ZBTB44: variants seen among roughly 807,000 people sequenced by gnomAD.
ZBTB44 encodes the protein zinc finger and BTB domain containing 44, also known as zinc finger and BTB domain-containing protein 44.
ZBTB44 carries 15 observed loss-of-function variants against 54.0 expected under a neutral mutation model. The observed-to-expected ratio is 0.28, with a 90% CI of 0.19 to 0.43. The LOEUF (loss-of-function observed/expected upper bound fraction) is 0.43. Among genes scored for constraint, ZBTB44 ranks in the 20% least tolerant of loss-of-function variants. The pLI is 1.00. For missense variants in ZBTB44, 487 were observed against 707.1 expected (o/e 0.69, Z 3.53); for synonymous variants, 230 against 250.1 (o/e 0.92, Z 0.76).
intron 2 of ZBTB44, among the ~76,000 whole-genome samples, chr11:130,254,381 A>AAAC (rs545665046): frequency 6.6e-6 from 1 of 152,210 alleles, no homozygotes; most frequent in African/African-American, 2.4e-5. Context: ...AGAAAAAAAC[A>AAAC]AACAACAACA....
intron 2 of ZBTB44, among the ~76,000 whole-genome samples, chr11:130,250,632 C>T (rs1049011111): frequency 1.3e-5 from 2 of 152,332 alleles, no homozygotes; most frequent in African/African-American, 4.8e-5. Flanking sequence ...GATACCCAGG[C>T]TAATAGGGTC....
In ZBTB44 at chr11:130,260,926, A is replaced by T. The variant is rs1329313125; in HGVS notation, c.948T>A (p.Asp316Glu). Reference sequence around the variant, plus strand: ...GTTCACTTCCTGGAACTGTCTGCTGATCACTCAGCGAACTCTGAGATGCAC... The same window carrying T: ...GTTCACTTCCTGGAACTGTCTGCTGTTCACTCAGCGAACTCTGAGATGCAC... ...PVSASQSSLS[D>E]QQTVPGSEQV... is the part of the protein sequence containing the mutation. Residue 316 changes from aspartate (D) to glutamate (E), a missense_variant, in exon 2 of 8, where the codon GAT (aspartate) becomes GAA (glutamate). Asp to Glu is a conservative substitution (Grantham distance 45, BLOSUM62 2). This residue lies in a region of ZBTB44 where 277 missense variants were observed against 306.5 expected (regional missense o/e 0.90). Coordinates refer to ENST00000357899, the MANE Select transcript of ZBTB44 (RefSeq NM_001301098.2). The T allele has an allele frequency of 2.5e-6, 4 of 1,614,034 alleles. No individual in the cohort carries two copies. Among genetic ancestry groups the T allele is most frequent in the Non-Finnish European group, 3.4e-6 (4 of 1,179,902 alleles).
At chr11:130,246,560 T>C (rs1446171417) in intron 2 of ZBTB44, among the ~76,000 whole-genome samples, 2 of 152,206 alleles carry the variant, frequency 1.3e-5, no homozygotes, top group African/African-American at 4.8e-5. Flanking sequence ...ATAGCTTCTG[T>C]TGCATCAAAC....
At chr11:130,235,512 A>G (rs1954069876) in intron 5 of ZBTB44, among the ~76,000 whole-genome samples, 1 of 152,204 alleles carries the variant, frequency 6.6e-6, no homozygotes, top group Admixed American at 6.5e-5. Flanking sequence ...GTTTACAAAT[A>G]AGGTTTTAAG....
At chr11:130,250,575 A>G (rs1412973059) in intron 2 of ZBTB44, among the ~76,000 whole-genome samples, 1 of 152,224 alleles carries the variant, frequency 6.6e-6, no homozygotes, top group African/African-American at 2.4e-5. Flanking sequence ...AAGCATCCAG[A>G]GGAAGCAGCA....
chr11:130,312,703 A>C (rs1942683377), intron 1 of ZBTB44, among the ~76,000 whole-genome samples: 1 of 152,212 alleles, frequency 6.6e-6, no homozygotes, highest in Middle Eastern at 3.2e-3. Flanking sequence ...AAAATGACTA[A>C]AGACTTAATC....
Position 130,294,680 on chromosome 11 carries a change from C to T in ZBTB44, c.-57+19695G>A, listed in dbSNP as rs531002398. On this transcript the variant is annotated intron_variant, in intron 1 of 7. Coordinates refer to ENST00000357899, the MANE Select transcript of ZBTB44 (RefSeq NM_001301098.2). ...TTGAATTTTTGCAATCAGACCTTAG[C>T]GATGACCTTGAGCAGGACAGAAATA... Among the ~76,000 whole-genome samples, 5 of 151,910 alleles carry T rather than the reference C, an allele frequency of 3.3e-5. No homozygotes were observed. The South Asian group carries it at 8.3e-4, about 25-fold the overall frequency.
intron 2 of ZBTB44, among the ~76,000 whole-genome samples, chr11:130,241,720 T>C (rs1390832628): frequency 3.3e-5 from 5 of 152,228 alleles, no homozygotes; most frequent in African/African-American, 1.2e-4. Flanking sequence ...TAATTAATCC[T>C]TTTCTCATTG....
chr11:130,248,383 T>C (rs1937707453), intron 2 of ZBTB44, among the ~76,000 whole-genome samples: 1 of 152,232 alleles, frequency 6.6e-6, no homozygotes. Flanking sequence ...GGCTCACGCC[T>C]GTAATCTCAG....
chr11:130,250,597 T>C (rs1937921239), intron 2 of ZBTB44, among the ~76,000 whole-genome samples: 1 of 152,122 alleles, frequency 6.6e-6, no homozygotes, highest in Admixed American at 6.5e-5. Flanking sequence ...GCAGCAATCT[T>C]TGCTGTTCTG....
intron 5 of ZBTB44, among the ~76,000 whole-genome samples, chr11:130,234,489 A>G (rs1012814079): frequency 2.6e-5 from 4 of 152,170 alleles, no homozygotes; most frequent in Admixed American, 2.6e-4. Context: ...CTTCCCCACC[A>G]CCAATACATC....
intron 2 of ZBTB44, among the ~76,000 whole-genome samples, chr11:130,243,986 C>CGAA (rs963725039): frequency 9.2e-5 from 14 of 152,120 alleles, no homozygotes; most frequent in African/African-American, 3.4e-4. Context: ...TTTACACACT[C>CGAA]TGAGCTTTCA....
chr11:130,272,488 T>C (rs1939747003), intron 1 of ZBTB44, among the ~76,000 whole-genome samples: 1 of 152,214 alleles, frequency 6.6e-6, no homozygotes. Flanking sequence ...TTATATATTC[T>C]AGTTGTGAGT....
chr11:130,276,625 G>C (rs1940124851), intron 1 of ZBTB44, among the ~76,000 whole-genome samples: 1 of 151,854 alleles, frequency 6.6e-6, no homozygotes, highest in Non-Finnish European at 1.5e-5. Context: ...AGTAGAGATA[G>C]GGTTTTACCA....
At chr11:130,283,059 T>G (rs76718075) in intron 1 of ZBTB44, among the ~76,000 whole-genome samples, 1 of 142,042 alleles carries the variant, frequency 7.0e-6, no homozygotes, top group Non-Finnish European at 1.5e-5. Flanking sequence ...TTTTTTTTTT[T>G]GAGATGGAGT....
At chr11:130,260,321 C>A (rs546251075) in intron 2 of ZBTB44, among the ~76,000 whole-genome samples, 1 of 152,326 alleles carries the variant, frequency 6.6e-6, no homozygotes, top group African/African-American at 2.4e-5. Flanking sequence ...GACATTCCCA[C>A]ACTTGGGTAA....
intron 2 of ZBTB44, among the ~76,000 whole-genome samples, chr11:130,242,871 T>C (rs1229462447): frequency 6.6e-6 from 1 of 152,202 alleles, no homozygotes; most frequent in Admixed American, 6.5e-5. Context: ...CAAACCTACA[T>C]TTGTTGTCTT....
chr11:130,260,751 T>C (rs1334425399), intron 2 of ZBTB44, 105 bp downstream of exon 2: 27 of 1,300,272 alleles, frequency 2.1e-5, no homozygotes, highest in Non-Finnish European at 2.7e-5. Context: ...TTTACTCTTC[T>C]TTATATTTCC....
At chr11:130,236,049 C>A in intron 5 of ZBTB44, 2 of 1,099,634 alleles carry the variant, frequency 1.8e-6, no homozygotes, top group South Asian at 2.0e-5. Context: ...TTCTTATAAA[C>A]AATTTAAAAC....
Sources: gnomAD v4.1 joint callset for allele counts (sites outside exome capture counted in the v4.1 genomes callset) on GRCh38, gnomAD v4.1.1 for gene constraint, gnomAD v4.1.1 regional missense constraint, MANE v1.5 for transcripts, NCBI Gene and HGNC (gene_info 2026-07-23, HGNC 2026-07-21) for gene names.